NLGN1: variants seen among roughly 807,000 people sequenced by gnomAD.
NLGN1 encodes the protein neuroligin-1.
In NLGN1, 12 loss-of-function variants were observed where a neutral mutation model predicts 65.5. That is an observed-to-expected ratio of 0.18 (90% CI 0.12 to 0.30). NLGN1 has a LOEUF of 0.30. Among genes scored for constraint, NLGN1 ranks in the 10% least tolerant of loss-of-function variants. The pLI is 1.00. For synonymous variants in NLGN1, 350 were observed against 359.5 expected (o/e 0.97, Z 0.30); for missense variants, 750 against 1,007.1 (o/e 0.74, Z 3.46).
intron 2 of NLGN1, among the ~76,000 whole-genome samples, chr3:173,450,299 T>A (rs1049912463): frequency 6.6e-6 from 1 of 152,166 alleles, no homozygotes; most frequent in African/African-American, 2.4e-5. Flanking sequence ...CTGTAAAGTA[T>A]TTTATTTCTC....
chr3:174,009,369 T>C (rs1054032379), intron 4 of NLGN1, among the ~76,000 whole-genome samples: 1 of 152,184 alleles, frequency 6.6e-6, no homozygotes, highest in Non-Finnish European at 1.5e-5. Flanking sequence ...TAGGAAGTAT[T>C]AATGAAAATA....
At chr3:173,715,040 TACTGAAA>T (rs1369836664) in intron 3 of NLGN1, among the ~76,000 whole-genome samples, 2 of 152,084 alleles carry the variant, frequency 1.3e-5, no homozygotes, top group Admixed American at 1.3e-4. Context: ...TGGAGGTACG[TACTGAAA>T]TTGTTAGAAA....
intron 3 of NLGN1, among the ~76,000 whole-genome samples, chr3:173,754,248 A>G (rs1468844434): frequency 6.6e-6 from 1 of 151,468 alleles, no homozygotes; most frequent in Non-Finnish European, 1.5e-5. Context: ...GGGTTTCACC[A>G]TTTTGTCCAG....
chr3:174,086,091 TCATA>T (rs1210382748), intron 4 of NLGN1, among the ~76,000 whole-genome samples: 1 of 151,808 alleles, frequency 6.6e-6, no homozygotes. Flanking sequence ...TCTTTTCTGA[TCATA>T]CATACCACAA....
At chr3:173,863,326 G>A (rs1485560638) in intron 4 of NLGN1, among the ~76,000 whole-genome samples, 1 of 151,984 alleles carries the variant, frequency 6.6e-6, no homozygotes, top group African/African-American at 2.4e-5. Flanking sequence ...ACTTAAATCA[G>A]AGTTCTCTAA....
chr3:173,825,969 A>G (rs1721258893), intron 4 of NLGN1, among the ~76,000 whole-genome samples: 1 of 152,010 alleles, frequency 6.6e-6, no homozygotes, highest in Non-Finnish European at 1.5e-5. Flanking sequence ...ATCGTGGCTC[A>G]TATTCTAGTT....
At chr3:173,514,044 CATG>C (rs1294379079) in intron 2 of NLGN1, among the ~76,000 whole-genome samples, 2 of 151,986 alleles carry the variant, frequency 1.3e-5, no homozygotes, top group African/African-American at 4.8e-5. Context: ...ATAATGATAC[CATG>C]ATATCATGTT....
chr3:173,671,609 C>T (rs1452195996), intron 3 of NLGN1, among the ~76,000 whole-genome samples: 3 of 152,214 alleles, frequency 2.0e-5, no homozygotes, highest in Non-Finnish European at 2.9e-5. Context: ...TTACGTTTGG[C>T]ACTTTGGTCA....
At chr3:173,684,406 TC>T (rs1199848709) in intron 3 of NLGN1, among the ~76,000 whole-genome samples, 1 of 152,144 alleles carries the variant, frequency 6.6e-6, no homozygotes, top group Non-Finnish European at 1.5e-5. Flanking sequence ...AGTTTAAAAG[TC>T]AGAACTTAAG....
In NLGN1 at chr3:174,153,952, A is replaced by G. The variant is rs995024295; in HGVS notation, c.647-121363A>G. Among the ~76,000 whole-genome samples the G allele has an allele frequency of 5.3e-5, 8 of 152,186 alleles. 2 individuals are homozygous for G. Among genetic ancestry groups the G allele is most frequent in the Admixed American group, 6.6e-5 (1 of 15,244 alleles). ...CACTAGCCAATTCAAAATGGCTGTGAATTTCTCTATTTGTGTATTTTATTG... is the reference window on the plus strand; with the variant it reads ...CACTAGCCAATTCAAAATGGCTGTGGATTTCTCTATTTGTGTATTTTATTG... On this transcript the variant is annotated intron_variant, in intron 4 of 6. Coordinates refer to ENST00000457714, the Ensembl canonical transcript of NLGN1.
rs551793679 is a variant in NLGN1 at position 174,090,123 on chromosome 3, T to C, written c.647-185192T>C. 1.1e-3 allele frequency among the ~76,000 whole-genome samples: 175 copies of C among 152,218 alleles called. 1 individual carries two copies. Among genetic ancestry groups the C allele is most frequent in the Non-Finnish European group, 1.6e-3 (112 of 68,004 alleles). ...GTATGTGAACCAGCAAAGTGTTCTG[T>C]TTACCTAATGTAAATTATTTTGTGT... On this transcript the variant is annotated intron_variant, in intron 4 of 6. Transcript: ENST00000457714.
chr3:174,090,514 T>G (rs1247112200), intron 4 of NLGN1, among the ~76,000 whole-genome samples: 1 of 151,952 alleles, frequency 6.6e-6, no homozygotes, highest in Non-Finnish European at 1.5e-5. Context: ...AGTAATTGTT[T>G]ATTGCTCCAG....
chr3:173,425,363 T>C (rs888283169), intron 1 of NLGN1, among the ~76,000 whole-genome samples: 10 of 150,778 alleles, frequency 6.6e-5, no homozygotes, highest in African/African-American at 2.4e-4. Context: ...CTTTTTTTTT[T>C]ATAAAATCTT....
At chr3:173,727,572 T>G (rs1214935070) in intron 3 of NLGN1, among the ~76,000 whole-genome samples, 1 of 152,118 alleles carries the variant, frequency 6.6e-6, no homozygotes, top group Non-Finnish European at 1.5e-5. Flanking sequence ...AAATGAACAT[T>G]CTTTTGGTTG....
chr3:173,399,380 C>G (rs557581546), intron 1 of NLGN1, among the ~76,000 whole-genome samples: 176 of 152,298 alleles, frequency 1.2e-3, no homozygotes, highest in African/African-American at 4.0e-3. Context: ...CCCGTCCTTC[C>G]CATTGTCTCC....
At position 173,513,490 on chromosome 3, in the gene NLGN1, A is replaced by C. The variant is rs574250265; in HGVS notation, c.-321+78412A>C. Among the ~76,000 whole-genome samples the C allele has an allele frequency of 2.8e-3, 430 of 152,262 alleles. 3 individuals are homozygous for C. Among genetic ancestry groups the C allele is most frequent in the Non-Finnish European group, 4.9e-3 (332 of 68,020 alleles). The stretch of plus-strand genomic sequence containing the variant: ...ATTTTCTATATTTGCCTTTCTCACC[A>C]ATTTTTGAAGCAGTGGTTTGCCCTG... On this transcript the variant is annotated intron_variant, in intron 2 of 6. Coordinates refer to ENST00000457714, the Ensembl canonical transcript of NLGN1.
chr3:173,843,421 T>C (rs562300202), intron 4 of NLGN1, among the ~76,000 whole-genome samples: 2 of 152,342 alleles, frequency 1.3e-5, no homozygotes, highest in South Asian at 4.1e-4. Flanking sequence ...TCTATTGCAT[T>C]GTCAGGCTGC....
intron 2 of NLGN1, among the ~76,000 whole-genome samples, chr3:173,554,133 AATCT>A (rs1330879546): frequency 1.3e-5 from 2 of 152,206 alleles, no homozygotes; most frequent in Non-Finnish European, 2.9e-5. Flanking sequence ...TTATTTTTAA[AATCT>A]ATGTGGGGAA....
chr3:173,880,974 T>C (rs1258198820), intron 4 of NLGN1, among the ~76,000 whole-genome samples: 1 of 151,902 alleles, frequency 6.6e-6, no homozygotes, highest in Non-Finnish European at 1.5e-5. Flanking sequence ...ATACCGGGAG[T>C]GGATTGCATC....
Sources: allele counts gnomAD v4.1 joint callset (sites outside exome capture counted in the v4.1 genomes callset), GRCh38; gene constraint gnomAD v4.1.1; transcripts MANE v1.5; gene names NCBI Gene and HGNC (gene_info 2026-07-23, HGNC 2026-07-21).